The following NAV2 variants were observed in gnomAD, a reference collection of about 807,000 sequenced individuals.
The protein encoded by NAV2 is helicase, APC down-regulated 1.
Under a neutral mutation model 223.2 loss-of-function variants are expected in NAV2, and 54 were observed. The observed-to-expected ratio is 0.24, with a 90% CI of 0.19 to 0.30. NAV2 has a LOEUF of 0.30. Among genes scored for constraint, NAV2 ranks in the 10% least tolerant of loss-of-function variants. The probability of loss-of-function intolerance (pLI) is 1.00; values close to 1 mark genes in which losing one functional copy is unlikely to be tolerated. For synonymous variants in NAV2, 1,279 were observed against 1,239.3 expected (o/e 1.03, Z -0.67); for missense variants, 2,806 against 3,147.5 (o/e 0.89, Z 2.60).
At chr11:19,963,697 A>G (rs1239490853) in intron 10 of NAV2, among the ~76,000 whole-genome samples, 1 of 152,224 alleles carries the variant, frequency 6.6e-6, no homozygotes, top group Non-Finnish European at 1.5e-5. Context: ...TTTAATTTCA[A>G]TTAAATGTCA....
chr11:19,502,772 T>G (rs2702658), intron 1 of NAV2: 142,242 of 152,298 alleles, frequency 0.93, 67,196 homozygotes, highest in East Asian at 1. Context: ...ATATGAGTTG[T>G]AACTATTGGC....
In NAV2 at chr11:19,536,062, T is replaced by C. The variant is rs967640503; in HGVS notation, c.75+185035T>C. Among the ~76,000 whole-genome samples the C allele has an allele frequency of 6.7e-4, 102 of 152,198 alleles. 2 individuals carry two copies. The highest frequency in any genetic ancestry group is 2.4e-3 in the African/African-American group (100 of 41,446). ...ACTTGATTAGAGTCACAAAGCCAGG[T>C]AGTGGAAGATTAGAAAGCTACAATT... On this transcript the variant is annotated intron_variant, in intron 1 of 37. Coordinates refer to the NAV2 transcript ENST00000360655.
At chr11:20,014,689 G>A (rs2053855510) in intron 11 of NAV2, among the ~76,000 whole-genome samples, 2 of 152,156 alleles carry the variant, frequency 1.3e-5, no homozygotes, top group Non-Finnish European at 2.9e-5. Flanking sequence ...ATCACCTGAG[G>A]TCAGGAGTTC....
intron 1 of NAV2, among the ~76,000 whole-genome samples, chr11:19,804,927 G>A (rs2058467652): frequency 6.6e-6 from 1 of 152,200 alleles, no homozygotes; most frequent in South Asian, 2.1e-4. Context: ...AGGCCCAGAG[G>A]CTGGAAAGAG....
chr11:20,023,167 G>C, intron 11 of NAV2: 2 of 1,544,414 alleles, frequency 1.3e-6, no homozygotes, highest in Non-Finnish European at 1.8e-6. Flanking sequence ...GGGGCCAGGG[G>C]GTGGGTGTGG....
intron 1 of NAV2, among the ~76,000 whole-genome samples, chr11:19,785,862 C>A (rs1307489488): frequency 6.6e-6 from 1 of 152,116 alleles, no homozygotes; most frequent in Non-Finnish European, 1.5e-5. Context: ...CAACCCCAGA[C>A]AACTTGGGGA....
chr11:19,472,079 G>C (rs973747467), intron 1 of NAV2, among the ~76,000 whole-genome samples: 1 of 152,208 alleles, frequency 6.6e-6, no homozygotes, highest in Non-Finnish European at 1.5e-5. Flanking sequence ...ACTCCTGTCT[G>C]TGTTGTTGGG....
intron 1 of NAV2, among the ~76,000 whole-genome samples, chr11:19,680,367 G>A (rs1003870981): frequency 1.3e-5 from 2 of 152,180 alleles, no homozygotes; most frequent in South Asian, 2.1e-4. Flanking sequence ...CCAGTTTCCC[G>A]TAACCGCCTG....
chr11:19,364,154 C>A (rs979129608), intron 1 of NAV2, among the ~76,000 whole-genome samples: 4 of 152,146 alleles, frequency 2.6e-5, no homozygotes, highest in Admixed American at 2.0e-4. Flanking sequence ...AGAAGTCCAC[C>A]AAAGAGTCAC....
intron 7 of NAV2, among the ~76,000 whole-genome samples, chr11:19,936,289 A>G (rs1181269912): frequency 6.6e-6 from 1 of 152,104 alleles, no homozygotes; most frequent in Non-Finnish European, 1.5e-5. Context: ...CTCAATTTGC[A>G]TTTTCAAAAT....
At chr11:19,988,904 G>C (rs1182650100) in intron 11 of NAV2, among the ~76,000 whole-genome samples, 2 of 152,184 alleles carry the variant, frequency 1.3e-5, no homozygotes, top group Non-Finnish European at 2.9e-5. Context: ...ATGGATTCAG[G>C]TCTGATCTGG....
rs2061768797 is a variant in NAV2, at chr11:20,103,263, C to T, written c.6426C>T (p.Arg2142=). 1.2e-6 allele frequency: 2 copies of T among 1,612,814 alleles called. No homozygotes were observed. Among genetic ancestry groups the T allele is most frequent in the African/African-American group, 1.3e-5 (1 of 74,916 alleles). ...NVDHKSSKEL[R]QYLSNLADQC... ...CTTCCTGGCCACCATAGGAATTGCG[C>T]CAGTACCTGTCCAACCTTGCTGACC... Residue 2142 remains arginine (R), a synonymous_variant, in exon 33 of 38, where the codon CGC becomes CGT. Coordinates refer to ENST00000349880, the MANE Select transcript of NAV2 (RefSeq NM_145117.5).
At chr11:19,350,784 C>T (rs1015192210) in exon 1 of NAV2, 46 of 648,708 alleles carry the variant, frequency 7.1e-5, no homozygotes, top group Non-Finnish European at 1.1e-4. Context: ...GTGAGGTTCC[C>T]GAGTGGATTT....
At chr11:19,389,398 C>G (rs1176544594) in intron 1 of NAV2, among the ~76,000 whole-genome samples, 1 of 152,232 alleles carries the variant, frequency 6.6e-6, no homozygotes, top group African/African-American at 2.4e-5. Context: ...GCACGATGTT[C>G]TTTCCCAACG....
intron 1 of NAV2, among the ~76,000 whole-genome samples, chr11:19,631,444 T>G (rs561815298): frequency 6.6e-6 from 1 of 152,320 alleles, no homozygotes; most frequent in South Asian, 2.1e-4. Context: ...CAAAACAAGA[T>G]TCTCACCTCA....
intron 11 of NAV2, among the ~76,000 whole-genome samples, chr11:20,009,639 A>C (rs774518413): frequency 2.6e-5 from 4 of 152,104 alleles, no homozygotes; most frequent in Admixed American, 1.3e-4. Context: ...ATGCCTGTCT[A>C]TGAGCTTCCG....
chr11:19,905,287 G>T (rs1486977866), intron 6 of NAV2, among the ~76,000 whole-genome samples: 1 of 152,222 alleles, frequency 6.6e-6, no homozygotes, highest in Non-Finnish European at 1.5e-5. Context: ...TCACAGGCAA[G>T]GATGGGTGCC....
At chr11:19,507,773 C>G (rs909864863) in intron 1 of NAV2, among the ~76,000 whole-genome samples, 5 of 152,110 alleles carry the variant, frequency 3.3e-5, no homozygotes, top group Admixed American at 2.6e-4. Flanking sequence ...CTATATGTCC[C>G]TATGTTGTGT....
chr11:19,662,317 C>T (rs180822522), intron 1 of NAV2, among the ~76,000 whole-genome samples: 5 of 152,226 alleles, frequency 3.3e-5, no homozygotes, highest in Non-Finnish European at 7.3e-5. Context: ...AGGCCGTTTG[C>T]TGTGGTCAGA....
Sources: gnomAD v4.1 joint callset for allele counts (sites outside exome capture counted in the v4.1 genomes callset) on GRCh38, gnomAD v4.1.1 for gene constraint, MANE v1.5 for transcripts, NCBI Gene and HGNC (gene_info 2026-07-23, HGNC 2026-07-21) for gene names.